Variants in ABAT observed in about 807,000 individuals in gnomAD.
ABAT encodes 4-aminobutyrate aminotransferase, mitochondrial.
In ABAT, 45 loss-of-function variants were observed where a neutral mutation model predicts 64.6. The ratio of observed to expected loss-of-function variants is 0.70; its 90% CI spans 0.55 to 0.89. The LOEUF (loss-of-function observed/expected upper bound fraction) is 0.89, where lower values mean the gene tolerates loss of function less well. Among genes scored for constraint, ABAT ranks in the 40% least tolerant of loss-of-function variants. ABAT has a pLI of 0.00. For missense variants in ABAT, 633 were observed against 658.4 expected, an observed-to-expected ratio of 0.96 and a Z score of 0.42; for synonymous variants, 297 against 250.5, an observed-to-expected ratio of 1.19 and a Z score of -1.75.
chr16:8,751,240 T>A (rs1641012), intron 5 of ABAT, among the ~76,000 whole-genome samples: 1 of 152,022 alleles, frequency 6.6e-6, no homozygotes, highest in East Asian at 1.9e-4. Flanking sequence ...TGAGCCACTA[T>A]ACCCAGCCTA....
rs2060436640 is a variant in ABAT at position 8,781,417 on chromosome 16, C to A, written c.1490C>A (p.Ala497Glu). Residue 497 changes from alanine (A) to glutamate (E), a missense_variant, in exon 16 of 16, where the codon GCA becomes GAA. Transcript: ENST00000268251. This position sits in a 1 kb window ranked among gnomAD's most constrained non-coding sequence, Gnocchi z 4.5. ...LFLNIFSDIL[A>E]DFK ...CTCAATATTTTCAGTGACATCTTAG[C>A]AGACTTCAAGTAAAGAAGCCATTTC... The A allele has an allele frequency of 6.2e-7, 1 of 1,614,064 alleles. No individual in the cohort carries two copies. Among genetic ancestry groups the A allele is most frequent in the African/African-American group, 1.3e-5 (1 of 74,924 alleles).
chr16:8,777,526 CTTGA>C (rs1366755193), intron 14 of ABAT, among the ~76,000 whole-genome samples: 2 of 152,160 alleles, frequency 1.3e-5, no homozygotes, highest in African/African-American at 2.4e-5. Context: ...ACTTCTAACA[CTTGA>C]TTAAGAGCTG....
chr16:8,724,085 T>G (rs1010647084), intron 1 of ABAT, among the ~76,000 whole-genome samples: 1 of 151,700 alleles, frequency 6.6e-6, no homozygotes, highest in African/African-American at 2.4e-5. Flanking sequence ...AGGTGATCCA[T>G]CCACCTCAGC....
At chr16:8,709,006 C>T (rs992168946) in intron 1 of ABAT, among the ~76,000 whole-genome samples, 2 of 152,134 alleles carry the variant, frequency 1.3e-5, no homozygotes, top group Non-Finnish European at 2.9e-5. Flanking sequence ...AAATGGGGCT[C>T]ATCTGAATGG....
chr16:8,760,121 T>G (rs1596461656), intron 6 of ABAT: 1 of 152,234 alleles, frequency 6.6e-6, no homozygotes, highest in East Asian at 1.9e-4. Context: ...TTTATGTGTT[T>G]CTGTTAGATA....
chr16:8,741,587 A>G (rs1022919033), intron 2 of ABAT, among the ~76,000 whole-genome samples: 2 of 152,226 alleles, frequency 1.3e-5, no homozygotes, highest in Admixed American at 1.3e-4. Context: ...CTCAGTACAC[A>G]CTTGAATCTG....
intron 14 of ABAT, among the ~76,000 whole-genome samples, chr16:8,778,707 G>T (rs1639223717): frequency 6.6e-6 from 1 of 151,654 alleles, no homozygotes; most frequent in Non-Finnish European, 1.5e-5. Flanking sequence ...AACCTGGGAG[G>T]CAGAGGATGC....
At chr16:8,732,711 T>C (rs1312371305) in intron 1 of ABAT, among the ~76,000 whole-genome samples, 2 of 151,098 alleles carry the variant, frequency 1.3e-5, no homozygotes, top group Non-Finnish European at 1.5e-5. Context: ...ATTGTCATCC[T>C]GGCCCGTTCT....
intron 6 of ABAT, among the ~76,000 whole-genome samples, chr16:8,760,921 T>A (rs2059777079): frequency 6.6e-6 from 1 of 151,726 alleles, no homozygotes; most frequent in Non-Finnish European, 1.5e-5. Flanking sequence ...GATAACTGTT[T>A]TTAAAAAATT....
chr16:8,684,882 G>C (rs1296525375), intron 1 of ABAT, among the ~76,000 whole-genome samples: 3 of 152,190 alleles, frequency 2.0e-5, no homozygotes, highest in African/African-American at 7.2e-5. Context: ...AAAGAGTAAA[G>C]GGAGGTCTAA....
At chr16:8,767,590 G>T (rs1033118104) in intron 9 of ABAT, among the ~76,000 whole-genome samples, 1 of 152,214 alleles carries the variant, frequency 6.6e-6, no homozygotes, top group African/African-American at 2.4e-5. Flanking sequence ...ACTTACAGCT[G>T]CCACAGGAGG....
chr16:8,707,815 C>T (rs971661630), intron 1 of ABAT, among the ~76,000 whole-genome samples: 13 of 152,088 alleles, frequency 8.5e-5, no homozygotes, highest in Admixed American at 3.9e-4. Context: ...AGCAAACCTC[C>T]AGCCTTGGCC....
intron 1 of ABAT, among the ~76,000 whole-genome samples, chr16:8,701,039 G>A (rs1404440855): frequency 2.0e-5 from 3 of 151,240 alleles, no homozygotes; most frequent in Non-Finnish European, 2.9e-5. Flanking sequence ...CCGGATTCAA[G>A]CAATTATCTT....
intron 11 of ABAT, 89 bp downstream of exon 11, chr16:8,769,062 G>A (rs1035907164): frequency 2.6e-6 from 4 of 1,555,374 alleles, no homozygotes; most frequent in African/African-American, 2.7e-5. Context: ...AACAGATGAA[G>A]GGTTTATCTG....
intron 2 of ABAT, chr16:8,736,027 C>G (rs2058918997): frequency 1.8e-6 from 1 of 547,740 alleles, no homozygotes; most frequent in African/African-American, 1.9e-5. Context: ...CTCACAGTTT[C>G]ATATGGCTGG....
intron 6 of ABAT, among the ~76,000 whole-genome samples, chr16:8,758,984 C>G (rs1241044843): frequency 5.3e-5 from 8 of 152,102 alleles, no homozygotes; most frequent in Admixed American, 5.2e-4. Context: ...AGCCTGTAAT[C>G]TCAGCTACTT....
At position 8,750,337 on chromosome 16, in the gene ABAT, T is replaced by C; in HGVS notation, c.199-85T>C. ...GTCCACAGATAGTCACGATATGGTGTACTTCACTGATTCAAGCTTAATCCT... is the reference window on the plus strand; with the variant it reads ...GTCCACAGATAGTCACGATATGGTGCACTTCACTGATTCAAGCTTAATCCT... On this transcript the variant is annotated intron_variant, in intron 4 of 15. Coordinates refer to ENST00000268251, the MANE Select transcript of ABAT (RefSeq NM_020686.6). 1.1e-5 allele frequency: 12 copies of C among 1,116,902 alleles called. No homozygotes were observed. In the South Asian group the frequency reaches 1.4e-4, roughly 13 times the overall value. The allele number at this position is 1,116,902 out of a possible 1,614,324, so 69.2% of individuals were successfully genotyped here.
chr16:8,706,238 A>AAT (rs1555485258), intron 1 of ABAT, among the ~76,000 whole-genome samples: 10,931 of 149,006 alleles, frequency 0.073, 528 homozygotes, highest in Middle Eastern at 0.19. Flanking sequence ...TATAAAAAAA[A>AAT]ATATATATAT....
intron 2 of ABAT, among the ~76,000 whole-genome samples, chr16:8,745,184 G>A (rs778309870): frequency 4.5e-4 from 69 of 151,984 alleles, no homozygotes; most frequent in Non-Finnish European, 2.8e-4. Context: ...GTTTCACCAC[G>A]TTGCCCAAGC....
Sources: gnomAD v4.1 joint callset for allele counts (sites outside exome capture counted in the v4.1 genomes callset) on GRCh38, gnomAD v4.1.1 for gene constraint, Gnocchi (gnomAD v3.1) non-coding constraint, MANE v1.5 for transcripts, NCBI Gene and HGNC (gene_info 2026-07-23, HGNC 2026-07-21) for gene names.